Variants in WDR49 observed in about 807,000 individuals in gnomAD.
The protein encoded by WDR49 is cilia- and flagella-associated protein 337.
In WDR49, 107 loss-of-function variants were observed where a neutral mutation model predicts 119.5. That is an observed-to-expected ratio of 0.90 (90% CI 0.77 to 1.05). The LOEUF (loss-of-function observed/expected upper bound fraction) is 1.05. Ranked by LOEUF, WDR49 falls within the 50% of genes least tolerant of loss-of-function variation. The probability of loss-of-function intolerance (pLI) is 0.00; values close to 1 mark genes in which losing one functional copy is unlikely to be tolerated. For missense variants in WDR49, 1,240 were observed against 1,220.5 expected, an observed-to-expected ratio of 1.02 and a Z score of -0.24; for synonymous variants, 425 against 418.8, an observed-to-expected ratio of 1.01 and a Z score of -0.18.
chr3:167,479,913 C>T (rs960653631), intron 18 of WDR49, among the ~76,000 whole-genome samples: 1 of 151,728 alleles, frequency 6.6e-6, no homozygotes, highest in African/African-American at 2.4e-5. Flanking sequence ...GAAGTGTCAA[C>T]TGGAGGAAAC....
intron 2 of WDR49, among the ~76,000 whole-genome samples, chr3:167,630,702 G>A (rs1364523589): frequency 6.6e-6 from 1 of 152,130 alleles, no homozygotes; most frequent in African/African-American, 2.4e-5. Context: ...TAAACTCTCT[G>A]AGAACACTAA....
In WDR49 at chr3:167,594,228, G is replaced by A. The variant is rs541933944; in HGVS notation, c.1275+7899C>T. Among the ~76,000 whole-genome samples, 6 of 152,280 alleles carry A rather than the reference G, an allele frequency of 3.9e-5. No individual in the cohort carries two copies. The South Asian group carries it at 1.0e-3, about 26-fold the overall frequency. ...GTTTGAAGGGCTCATAAGAAGACAG[G>A]AGAATGTGGAAACATTTGGGACTTC... On this transcript the variant is annotated intron_variant, in intron 7 of 18. Coordinates refer to ENST00000682715, the MANE Select transcript of WDR49 (RefSeq NM_001366157.1).
intron 15 of WDR49, among the ~76,000 whole-genome samples, chr3:167,523,820 A>C (rs1752541950): frequency 6.6e-6 from 1 of 152,128 alleles, no homozygotes; most frequent in South Asian, 2.1e-4. Context: ...GTTGGTTCCA[A>C]GTCTTTGCTA....
At chr3:167,533,050 A>T (rs193240600) in intron 11 of WDR49, 73 bp from the exon 12 acceptor site, 10 of 1,058,300 alleles carry the variant, frequency 9.4e-6, no homozygotes, top group Middle Eastern at 4.3e-4. Context: ...AGCAATCAGA[A>T]GAAGTTATTA....
intron 10 of WDR49, among the ~76,000 whole-genome samples, chr3:167,548,517 T>A (rs1194120936): frequency 6.6e-6 from 1 of 151,988 alleles, no homozygotes; most frequent in Non-Finnish European, 1.5e-5. Flanking sequence ...AATACCACCA[T>A]CTCAACAGTT....
chr3:167,498,116 G>A (rs1217390706), intron 18 of WDR49, among the ~76,000 whole-genome samples: 2 of 151,882 alleles, frequency 1.3e-5, no homozygotes, highest in African/African-American at 2.4e-5. Context: ...CTGGGATTAC[G>A]GGCATGAGCC....
chr3:167,632,251 G>A (rs565946418), intron 2 of WDR49, among the ~76,000 whole-genome samples: 4 of 151,962 alleles, frequency 2.6e-5, no homozygotes, highest in African/African-American at 7.2e-5. Flanking sequence ...GAAACTACTC[G>A]GACAAATATC....
At chr3:167,644,257 T>G (rs1718015930) in intron 2 of WDR49, among the ~76,000 whole-genome samples, 1 of 152,058 alleles carries the variant, frequency 6.6e-6, no homozygotes, top group East Asian at 1.9e-4. Flanking sequence ...CATTTAGAAA[T>G]AGTACCCCAG....
At chr3:167,646,304 T>C (rs564493155) in intron 2 of WDR49, among the ~76,000 whole-genome samples, 2 of 152,210 alleles carry the variant, frequency 1.3e-5, no homozygotes, top group South Asian at 4.2e-4. Context: ...CATGGAAAAA[T>C]AGGTCTTAGA....
At chr3:167,617,824 T>A (rs1375812960) in intron 5 of WDR49, among the ~76,000 whole-genome samples, 1 of 152,170 alleles carries the variant, frequency 6.6e-6, no homozygotes, top group Non-Finnish European at 1.5e-5. Context: ...CCTTTCTTTA[T>A]CATTTCCATT....
chr3:167,624,064 G>A (rs1216202735), intron 3 of WDR49, among the ~76,000 whole-genome samples: 1 of 151,646 alleles, frequency 6.6e-6, no homozygotes, highest in Non-Finnish European at 1.5e-5. Flanking sequence ...ATAAAAAATG[G>A]GAAAAGATTT....
intron 10 of WDR49, among the ~76,000 whole-genome samples, chr3:167,541,650 C>T (rs977835423): frequency 1.3e-5 from 2 of 152,014 alleles, no homozygotes; most frequent in Non-Finnish European, 2.9e-5. Flanking sequence ...ACAACAACAA[C>T]AATGTATTCA....
intron 5 of WDR49, among the ~76,000 whole-genome samples, chr3:167,610,464 A>G (rs1364052633): frequency 6.6e-6 from 1 of 152,192 alleles, no homozygotes; most frequent in Non-Finnish European, 1.5e-5. Context: ...CTTTGGAAAA[A>G]GGAGTAAAGA....
At chr3:167,480,845 C>A (rs1223325162) in intron 18 of WDR49, among the ~76,000 whole-genome samples, 1 of 152,104 alleles carries the variant, frequency 6.6e-6, no homozygotes, top group Non-Finnish European at 1.5e-5. Flanking sequence ...AATGCTTTAT[C>A]CCTTATATAC....
chr3:167,622,380 A>G lies in WDR49; in HGVS notation c.607-737T>C, dbSNP rs994976665. On this transcript the variant is annotated intron_variant, in intron 3 of 18. Coordinates refer to ENST00000682715, the MANE Select transcript of WDR49 (RefSeq NM_001366157.1). ...AGTGAGACTCCCATCTTTAAAAAGA[A>G]AAAAAGAAAGAAAGAAACAAATGAG... Among the ~76,000 whole-genome samples the G allele has an allele frequency of 2.8e-4, 42 of 152,076 alleles. 1 individual carries two copies. The highest frequency in any genetic ancestry group is 8.7e-4 in the African/African-American group (36 of 41,418).
At chr3:167,623,589 A>T (rs1031078735) in intron 3 of WDR49, among the ~76,000 whole-genome samples, 2 of 148,386 alleles carry the variant, frequency 1.3e-5, no homozygotes, top group African/African-American at 5.0e-5. Context: ...CCTACAGCTG[A>T]CATCATACAT....
intron 18 of WDR49, among the ~76,000 whole-genome samples, chr3:167,483,018 T>C (rs1278742972): frequency 6.6e-6 from 1 of 152,112 alleles, no homozygotes; most frequent in Non-Finnish European, 1.5e-5. Context: ...AATTGTGTGG[T>C]AGAAGGGGGG....
At chr3:167,575,244 G>T in intron 8 of WDR49, 1 of 986,004 alleles carries the variant, frequency 1.0e-6, no homozygotes, top group Non-Finnish European at 1.2e-6. Flanking sequence ...CCCACACTGA[G>T]CTCACTGGCT....
intron 8 of WDR49, among the ~76,000 whole-genome samples, chr3:167,564,916 A>C (rs181504846): frequency 1.3e-5 from 2 of 152,102 alleles, no homozygotes; most frequent in Non-Finnish European, 2.9e-5. Context: ...GAAAAAAAAA[A>C]CAGGAATCAA....
Sources: allele counts gnomAD v4.1 joint callset (sites outside exome capture counted in the v4.1 genomes callset), GRCh38; gene constraint gnomAD v4.1.1; transcripts MANE v1.5; gene names NCBI Gene and HGNC (gene_info 2026-07-23, HGNC 2026-07-21).